Variants in ZNF83 observed in about 807,000 individuals in gnomAD.
ZNF83 encodes zinc finger protein 816B.
For missense variants in ZNF83, 552 were observed against 629.9 expected (o/e 0.88, Z 1.32); for synonymous variants, 209 against 213.0 (o/e 0.98, Z 0.17).
chr19:52,640,753 C>T (rs1215015552), upstream of ZNF83, among the ~76,000 whole-genome samples: 3 of 152,164 alleles, frequency 2.0e-5, no homozygotes, highest in East Asian at 5.8e-4. Flanking sequence ...AGGACTCTGC[C>T]TGCTCAAACA....
At chr19:52,664,135 T>G (rs1689255304) in intron 1 of ZNF83, among the ~76,000 whole-genome samples, 1 of 151,954 alleles carries the variant, frequency 6.6e-6, no homozygotes, top group African/African-American at 2.4e-5. Flanking sequence ...CCACCAGCCT[T>G]GGCCTCCAAA....
At chr19:52,661,740 G>T (rs546017539) in intron 1 of ZNF83, among the ~76,000 whole-genome samples, 2 of 152,282 alleles carry the variant, frequency 1.3e-5, no homozygotes, top group Admixed American at 6.5e-5. Flanking sequence ...GAACAGCGAA[G>T]GAGCTAAAAG....
At chr19:52,674,265 A>G (rs2061769018) in intron 1 of ZNF83, 1 of 152,206 alleles carries the variant, frequency 6.6e-6, no homozygotes, top group Admixed American at 6.5e-5. Flanking sequence ...TAAACAAAAT[A>G]AAGAAGGAAA....
rs1416820110 is a variant in ZNF83, at chr19:52,687,599, GTA to G, written c.-283+2842_-283+2843del. Among the ~76,000 whole-genome samples the G allele has an allele frequency of 6.5e-4, 11 of 16,820 alleles. 2 individuals carry two copies. The highest frequency in any genetic ancestry group is 2.2e-3 in the East Asian group (2 of 928). The allele number at this position is 16,820 out of a possible 152,430, so 11.0% of individuals were successfully genotyped here. On this transcript the variant is annotated intron_variant, in intron 1 of 5. Transcript: ENST00000594682. Reference sequence around the variant, plus strand: ...AATTTTATATATATATATATATAATGTATATATATATAATGTGTATATATATA... The same window carrying G: ...AATTTTATATATATATATATATAATGTATATATATAATGTGTATATATATA...
chr19:52,637,852 A>G (rs1282873024), intron 1 of ZNF83, among the ~76,000 whole-genome samples: 2 of 152,010 alleles, frequency 1.3e-5, no homozygotes, highest in Non-Finnish European at 2.9e-5. Context: ...CGCCACGAGG[A>G]GGGAGGTGGG....
chr19:52,640,488 T>G (rs1335347686), upstream of ZNF83, among the ~76,000 whole-genome samples: 3 of 152,218 alleles, frequency 2.0e-5, no homozygotes, highest in Non-Finnish European at 4.4e-5. Context: ...TGAGGTCTTA[T>G]CTCTGGGGCT....
At chr19:52,647,623 A>G (rs2061389173) in intron 3 of ZNF83, among the ~76,000 whole-genome samples, 1 of 149,956 alleles carries the variant, frequency 6.7e-6, no homozygotes, top group African/African-American at 2.5e-5. Context: ...AATTCTGTAA[A>G]TATCTCTCAT....
intron 1 of ZNF83, among the ~76,000 whole-genome samples, chr19:52,668,208 C>T (rs1204956564): frequency 2.0e-5 from 3 of 152,102 alleles, no homozygotes; most frequent in South Asian, 2.1e-4. Flanking sequence ...AATGGAAACT[C>T]GAGCCAGCCT....
chr19:52,619,642 T>C (rs199844918), intron 2 of ZNF83, among the ~76,000 whole-genome samples: 6 of 138,828 alleles, frequency 4.3e-5, no homozygotes, highest in Non-Finnish European at 9.4e-5. Context: ...AAAAAAAAAA[T>C]GTTAGAAACT....
At chr19:52,622,154 C>T (rs560994245) in intron 2 of ZNF83, among the ~76,000 whole-genome samples, 3 of 152,042 alleles carry the variant, frequency 2.0e-5, no homozygotes, top group South Asian at 2.1e-4. Flanking sequence ...ACACCCAGTT[C>T]GGCTTACAAT....
At chr19:52,630,948 C>G (rs12610788) in intron 2 of ZNF83, among the ~76,000 whole-genome samples, 66,114 of 146,156 alleles carry the variant, frequency 0.45, 15,505 homozygotes, top group East Asian at 0.73. Context: ...CCTATCCACC[C>G]CATGGTGCCA....
chr19:52,623,496 GT>G (rs1401594732), intron 2 of ZNF83, among the ~76,000 whole-genome samples: 1 of 152,074 alleles, frequency 6.6e-6, no homozygotes, highest in East Asian at 1.9e-4. Context: ...CACCTGCCCA[GT>G]TCCCTTATTA....
At chr19:52,620,254 C>CTCTGTGTGTGTGTG (rs55700493) in intron 2 of ZNF83, among the ~76,000 whole-genome samples, 6 of 134,434 alleles carry the variant, frequency 4.5e-5, no homozygotes, top group Admixed American at 7.4e-5. Flanking sequence ...GTGTGTATAT[C>CTCTGTGTGTGTGTG]TGTGTGTGTA....
chr19:52,651,218 G>A (rs1158761317), intron 3 of ZNF83: 1 of 152,178 alleles, frequency 6.6e-6, no homozygotes, highest in Non-Finnish European at 1.5e-5. Flanking sequence ...GACCATCAGT[G>A]GTTTACAGAA....
At chr19:52,633,270 G>A (rs1173491983) in intron 2 of ZNF83, among the ~76,000 whole-genome samples, 5 of 143,442 alleles carry the variant, frequency 3.5e-5, no homozygotes, top group East Asian at 4.0e-4. Flanking sequence ...CCTATAAAAC[G>A]GCCCCACCCC....
upstream of ZNF83, among the ~76,000 whole-genome samples, chr19:52,642,415 G>A: frequency 6.6e-6 from 1 of 151,540 alleles, no homozygotes; most frequent in East Asian, 1.9e-4. Context: ...ATTATAGGCA[G>A]GCACCACCAC....
exon 3 of ZNF83, chr19:52,612,712 AT>A: frequency 2.9e-6 from 1 of 347,356 alleles, no homozygotes; most frequent in Non-Finnish European, 5.2e-6. Context: ...TCAAGCATGA[AT>A]TTTTGCAATA....
At chr19:52,671,580 C>A (rs924555861) in intron 1 of ZNF83, among the ~76,000 whole-genome samples, 2 of 152,076 alleles carry the variant, frequency 1.3e-5, no homozygotes, top group Non-Finnish European at 2.9e-5. Context: ...CTAGCTGGAG[C>A]TGCAGGCCCT....
At chr19:52,664,754 G>C (rs549047374) in intron 1 of ZNF83, among the ~76,000 whole-genome samples, 1 of 151,470 alleles carries the variant, frequency 6.6e-6, no homozygotes, top group Non-Finnish European at 1.5e-5. Context: ...GGCCTGGTGT[G>C]GGGGGGTGAG....
Sources: gnomAD v4.1 joint callset for allele counts (sites outside exome capture counted in the v4.1 genomes callset) on GRCh38, gnomAD v4.1.1 for gene constraint, MANE v1.5 for transcripts, NCBI Gene and HGNC (gene_info 2026-07-23, HGNC 2026-07-21) for gene names.